Variants in CCDC171 observed in about 807,000 individuals in gnomAD.
The protein encoded by CCDC171 is coiled-coil domain containing 171, also known as coiled-coil domain-containing protein 171.
A neutral mutation model predicts 168.2 loss-of-function variants in CCDC171; 177 were observed. The ratio of observed to expected loss-of-function variants is 1.05; its 90% CI spans 0.93 to 1.19. The LOEUF (loss-of-function observed/expected upper bound fraction) is 1.19, where lower values mean the gene tolerates loss of function less well. Among genes scored for constraint, CCDC171 ranks in the 50% most tolerant of loss-of-function variants. CCDC171 has a pLI of 0.00. For missense variants in CCDC171, 1,991 were observed against 1,539.0 expected (o/e 1.29, Z -4.91); for synonymous variants, 687 against 540.8 (o/e 1.27, Z -3.75).
rs1158163245 is a variant in CCDC171 at position 15,719,234 on chromosome 9, A to G, written c.1319-2535A>G. ...TCTTAACAGTAGAATTGATTAAGCAAAAGAAAGAATTAGTGAGCTTGAAGA... is the reference window on the plus strand; with the variant it reads ...TCTTAACAGTAGAATTGATTAAGCAGAAGAAAGAATTAGTGAGCTTGAAGA... On this transcript the variant is annotated intron_variant, in intron 11 of 25. Coordinates refer to ENST00000380701, the MANE Select transcript of CCDC171 (RefSeq NM_173550.4). Among the ~76,000 whole-genome samples, 36 of 152,090 alleles carry G rather than the reference A, an allele frequency of 2.4e-4. 1 individual carries two copies. Among genetic ancestry groups the G allele is most frequent in the Admixed American group, 2.4e-3 (36 of 15,254 alleles).
rs1831413150 is a variant in CCDC171 at position 15,972,046 on chromosome 9, G to T, written c.*210G>T. On this transcript the variant is annotated 3_prime_UTR_variant, in exon 26 of 26. Coordinates refer to ENST00000380701, the MANE Select transcript of CCDC171 (RefSeq NM_173550.4). ...TCTCCAAGTTTTATTTGTTATCACA[G>T]TTGCTCATTTTTATGTAACATATTT... 4 of 507,650 alleles carry T rather than the reference G, an allele frequency of 7.9e-6. No individual in the cohort carries two copies. The East Asian group carries it at 9.4e-5, about 12-fold the overall frequency. The allele number at this position is 507,650 out of a possible 1,614,324, so 31.4% of individuals were successfully genotyped here.
At chr9:15,643,383 A>G (rs1046783120) in intron 7 of CCDC171, among the ~76,000 whole-genome samples, 2 of 152,142 alleles carry the variant, frequency 1.3e-5, no homozygotes, top group East Asian at 3.8e-4. Context: ...GCTAAACATA[A>G]TAATTTCTCT....
intron 7 of CCDC171, among the ~76,000 whole-genome samples, chr9:15,648,910 A>T (rs953215050): frequency 1.3e-5 from 2 of 152,332 alleles, no homozygotes; most frequent in African/African-American, 2.4e-5. Flanking sequence ...TGAAGTTCAT[A>T]TGAAACCAGA....
chr9:15,767,522 C>T (rs894669865), intron 18 of CCDC171, among the ~76,000 whole-genome samples: 5 of 152,220 alleles, frequency 3.3e-5, no homozygotes, highest in Admixed American at 3.3e-4. Flanking sequence ...CCTTAATTCT[C>T]TCTCGTTGTG....
rs879875060 is a variant in CCDC171, at chr9:15,963,353, TA to T, written c.3754-8245del. ...TGTGAAAAAAAATCACTCTTAAAGT[TA>T]AAAAAAAAAAGTTTTGTTTATCTAT... On this transcript the variant is annotated intron_variant, in intron 25 of 25. Coordinates refer to ENST00000380701, the MANE Select transcript of CCDC171 (RefSeq NM_173550.4). Among the ~76,000 whole-genome samples the T allele has an allele frequency of 1.5e-3, 227 of 147,482 alleles. 1 individual carries two copies. The highest frequency in any genetic ancestry group is 5.3e-3 in the South Asian group (25 of 4,684).
At chr9:15,859,978 C>T (rs1203849343) in intron 23 of CCDC171, among the ~76,000 whole-genome samples, 1 of 151,488 alleles carries the variant, frequency 6.6e-6, no homozygotes, top group South Asian at 2.1e-4. Flanking sequence ...CTGTTCAAGA[C>T]TTTCTATTTT....
At chr9:15,791,098 A>G (rs1016961678) in intron 21 of CCDC171, among the ~76,000 whole-genome samples, 3 of 152,130 alleles carry the variant, frequency 2.0e-5, no homozygotes, top group African/African-American at 4.8e-5. Context: ...TTGGTTCCAT[A>G]TGAACTTTGA....
chr9:15,638,436 T>A, intron 7 of CCDC171, among the ~76,000 whole-genome samples: 1 of 152,056 alleles, frequency 6.6e-6, no homozygotes, highest in East Asian at 1.9e-4. Context: ...TAAGTAATTG[T>A]TAGTGGTATT....
chr9:15,853,458 C>G (rs1341057093), intron 23 of CCDC171, among the ~76,000 whole-genome samples: 1 of 151,578 alleles, frequency 6.6e-6, no homozygotes, highest in Non-Finnish European at 1.5e-5. Context: ...TCTCCTGTAA[C>G]TGCTGAATTT....
At chr9:15,855,484 G>T (rs1563877458) in intron 23 of CCDC171, among the ~76,000 whole-genome samples, 1 of 151,670 alleles carries the variant, frequency 6.6e-6, no homozygotes, top group Non-Finnish European at 1.5e-5. Flanking sequence ...ATCACGTTTT[G>T]AAAAACATTC....
At chr9:15,798,589 C>G (rs1275267700) in intron 21 of CCDC171, among the ~76,000 whole-genome samples, 1 of 152,016 alleles carries the variant, frequency 6.6e-6, no homozygotes, top group East Asian at 1.9e-4. Flanking sequence ...AGGGTTTAGC[C>G]TATTAGATCA....
chr9:15,732,603 C>G (rs552978475), intron 16 of CCDC171, among the ~76,000 whole-genome samples: 4 of 152,236 alleles, frequency 2.6e-5, no homozygotes, highest in African/African-American at 9.6e-5. Context: ...GAGATTCAGT[C>G]ACATTGTTGC....
At chr9:16,007,817 C>T (rs886408983) in intron 3 of CCDC171, among the ~76,000 whole-genome samples, 2 of 152,122 alleles carry the variant, frequency 1.3e-5, no homozygotes, top group African/African-American at 2.4e-5. Context: ...CAGTACCATG[C>T]TGTTTTGGTT....
chr9:15,870,191 AG>A (rs1216660498), intron 23 of CCDC171, among the ~76,000 whole-genome samples: 3 of 151,852 alleles, frequency 2.0e-5, no homozygotes, highest in African/African-American at 7.2e-5. Context: ...TTTGGTGCAT[AG>A]GTTGAAAAAT....
At chr9:15,698,947 C>A (rs1347228496) in intron 11 of CCDC171, among the ~76,000 whole-genome samples, 1 of 152,162 alleles carries the variant, frequency 6.6e-6, no homozygotes, top group Non-Finnish European at 1.5e-5. Context: ...TATGACAGTG[C>A]AGGTATCCCT....
chr9:15,708,020 G>A (rs932196702), intron 11 of CCDC171, among the ~76,000 whole-genome samples: 5 of 152,036 alleles, frequency 3.3e-5, no homozygotes, highest in Non-Finnish European at 7.4e-5. Context: ...GCTAATTTTT[G>A]TACTTTTAGT....
At chr9:16,037,181 G>A (rs1833486893) in intron 8 of CCDC171, among the ~76,000 whole-genome samples, 1 of 152,150 alleles carries the variant, frequency 6.6e-6, no homozygotes, top group Admixed American at 6.5e-5. Context: ...ATGTGTTTGA[G>A]GTGATGAATA....
chr9:16,018,959 C>T (rs1333044444), intron 3 of CCDC171, among the ~76,000 whole-genome samples: 2 of 152,162 alleles, frequency 1.3e-5, no homozygotes, highest in Non-Finnish European at 2.9e-5. Flanking sequence ...CAAGATTGAA[C>T]AATTTTTCCT....
In CCDC171 at chr9:15,710,479, GT is replaced by G. The variant is rs1326947221; in HGVS notation, c.1319-11285del. Among the ~76,000 whole-genome samples, 10 of 152,022 alleles carry G rather than the reference GT, an allele frequency of 6.6e-5. No homozygotes were observed. In the East Asian group the frequency reaches 1.7e-3, roughly 27 times the overall value. On this transcript the variant is annotated intron_variant, in intron 11 of 25. Transcript: ENST00000380701. Reference sequence around the variant, plus strand: ...CACCATGCCCCGCTAATTTTTTTGTGTTTTTGGTAGATGGGGTTTCACCATG... The same window carrying G: ...CACCATGCCCCGCTAATTTTTTTGTGTTTTGGTAGATGGGGTTTCACCATG...
Sources: gnomAD v4.1 joint callset for allele counts (sites outside exome capture counted in the v4.1 genomes callset) on GRCh38, gnomAD v4.1.1 for gene constraint, MANE v1.5 for transcripts, NCBI Gene and HGNC (gene_info 2026-07-23, HGNC 2026-07-21) for gene names.